CFAP36: variants seen among roughly 807,000 people sequenced by gnomAD.
The protein encoded by CFAP36 is cilia and flagella associated protein 36.
In CFAP36, 37 loss-of-function variants were observed where a neutral mutation model predicts 50.5. The ratio of observed to expected loss-of-function variants is 0.73; its 90% CI spans 0.56 to 0.96. CFAP36 has a LOEUF of 0.96. Ranked by LOEUF, CFAP36 falls within the 50% of genes least tolerant of loss-of-function variation. The pLI is 0.00. For synonymous variants in CFAP36, 138 were observed against 128.2 expected (o/e 1.08, Z -0.52); for missense variants, 407 against 396.2 (o/e 1.03, Z -0.23).
chr2:55,535,874 G>A (rs72803516), intron 6 of CFAP36, 111 bp downstream of exon 6: 701 of 1,425,278 alleles, frequency 4.9e-4, no homozygotes, highest in Middle Eastern at 4.5e-3. Flanking sequence ...ATAATTTTAA[G>A]TACAATGTAA....
chr2:55,542,722 C>T (rs1276912722), intron 7 of CFAP36, among the ~76,000 whole-genome samples: 3 of 152,210 alleles, frequency 2.0e-5, no homozygotes, highest in African/African-American at 7.2e-5. Context: ...GTTCCCCCCT[C>T]CTCAGGAATT....
intron 5 of CFAP36, among the ~76,000 whole-genome samples, chr2:55,534,385 C>T (rs1306903906): frequency 1.3e-5 from 2 of 152,192 alleles, no homozygotes; most frequent in African/African-American, 4.8e-5. Flanking sequence ...GAATAGCTGA[C>T]TTGGTGATAG....
chr2:55,534,205 G>A (rs1004599878), intron 5 of CFAP36, among the ~76,000 whole-genome samples: 2 of 152,180 alleles, frequency 1.3e-5, no homozygotes, highest in Non-Finnish European at 2.9e-5. Flanking sequence ...ATAGGAATAG[G>A]AAAGTAGCCA....
At chr2:55,540,569 T>G (rs1347438364) in intron 7 of CFAP36, among the ~76,000 whole-genome samples, 1 of 152,216 alleles carries the variant, frequency 6.6e-6, no homozygotes, top group Non-Finnish European at 1.5e-5. Flanking sequence ...TGTTGGCTAT[T>G]CTGGGTGTTT....
intron 7 of CFAP36, 45 bp from the exon 8 acceptor site, chr2:55,543,893 T>C: frequency 1.3e-6 from 2 of 1,544,608 alleles, no homozygotes; most frequent in South Asian, 2.3e-5. Flanking sequence ...ACTTAAAATA[T>C]TTCTCATAAT....
intron 4 of CFAP36, among the ~76,000 whole-genome samples, chr2:55,532,376 C>T (rs567788763): frequency 9.9e-5 from 15 of 151,936 alleles, no homozygotes; most frequent in African/African-American, 3.4e-4. Context: ...CTTTTTGGTG[C>T]CTTATTAAAG....
intron 4 of CFAP36, among the ~76,000 whole-genome samples, chr2:55,530,004 A>G (rs1467592986): frequency 6.6e-6 from 1 of 152,144 alleles, no homozygotes; most frequent in East Asian, 1.9e-4. Flanking sequence ...TTTCTGATTT[A>G]ATAGGTCTGG....
rs777362685 is a variant in CFAP36 at position 55,544,043 on chromosome 2, T to C, written c.746T>C (p.Leu249Ser). 8.7e-6 allele frequency: 14 copies of C among 1,613,988 alleles called. No homozygotes were observed. In the South Asian group the frequency reaches 1.5e-4, roughly 18 times the overall value. Reference sequence around the variant, plus strand: ...CAAAAAGACCTGAAGATTCCTGGCTTAGAGCATGCGAGCATTGAAGGACCA... The same window carrying C: ...CAAAAAGACCTGAAGATTCCTGGCTCAGAGCATGCGAGCATTGAAGGACCA... The part of the protein sequence containing the change: ...LPQKDLKIPG[L>S]EHASIEGPIA... The change falls in exon 8 of 10, where the codon TTA (leucine) becomes TCA (serine). Residue 249 changes from leucine (L) to serine (S), a missense_variant. By Grantham distance (145) the Leu-to-Ser change is moderately radical. Coordinates refer to ENST00000349456, the MANE Select transcript of CFAP36 (RefSeq NM_080667.7).
At chr2:55,528,400 T>A (rs145172138) in intron 3 of CFAP36, among the ~76,000 whole-genome samples, 90 of 144,884 alleles carry the variant, frequency 6.2e-4, no homozygotes, top group Middle Eastern at 3.8e-3. Flanking sequence ...TTTTGAAAAA[T>A]TTTTTTTTTT....
At chr2:55,528,173 T>C (rs1245124685) in intron 3 of CFAP36, among the ~76,000 whole-genome samples, 2 of 148,496 alleles carry the variant, frequency 1.3e-5, no homozygotes, top group Non-Finnish European at 3.0e-5. Context: ...TTTTATAGAA[T>C]TATAAGGAAT....
At chr2:55,534,819 A>G (rs747716729) in intron 5 of CFAP36, among the ~76,000 whole-genome samples, 6 of 152,124 alleles carry the variant, frequency 3.9e-5, no homozygotes, top group Non-Finnish European at 8.8e-5. Flanking sequence ...AAAGCAGAAG[A>G]GAGGATCAGA....
At chr2:55,534,725 ACTT>A (rs1314807867) in intron 5 of CFAP36, among the ~76,000 whole-genome samples, 4 of 152,160 alleles carry the variant, frequency 2.6e-5, no homozygotes, top group African/African-American at 7.2e-5. Context: ...CTTTGGGGTC[ACTT>A]CTTCTCCAAC....
intron 4 of CFAP36, chr2:55,531,010 A>C (rs1224757074): frequency 1.3e-5 from 2 of 151,788 alleles, no homozygotes; most frequent in African/African-American, 4.8e-5. Flanking sequence ...GTGAGTAGAG[A>C]CTCTTAGAGC....
intron 7 of CFAP36, among the ~76,000 whole-genome samples, chr2:55,541,419 C>G (rs1404414703): frequency 6.6e-6 from 1 of 152,110 alleles, no homozygotes; most frequent in African/African-American, 2.4e-5. Context: ...TCATATAGAT[C>G]TTGTGCATAT....
intron 4 of CFAP36, among the ~76,000 whole-genome samples, 180 bp from the exon 5 acceptor site, chr2:55,533,693 T>TG (rs1684408296): frequency 5.4e-4 from 36 of 66,926 alleles, no homozygotes; most frequent in African/African-American, 1.6e-3. Flanking sequence ...AGACTCTGTC[T>TG]CAAAAAAAAA....
At chr2:55,542,804 A>G (rs1289799847) in intron 7 of CFAP36, among the ~76,000 whole-genome samples, 1 of 152,184 alleles carries the variant, frequency 6.6e-6, no homozygotes. Flanking sequence ...CGTCACTCTC[A>G]GTAATAACAG....
Position 55,533,853 on chromosome 2 carries a change from T to A in CFAP36, c.398-20T>A. The A allele has an allele frequency of 6.7e-7, 1 of 1,498,978 alleles. No homozygotes were observed. Among genetic ancestry groups the A allele is most frequent in the Non-Finnish European group, 9.2e-7 (1 of 1,089,936 alleles). 92.9% of individuals were successfully genotyped at this position (1,498,978 alleles called of 1,614,324 possible). ...TTAATGGAGTTGATACTATTTCATG[T>A]GGTCTTTGGTTTTGAACAGGTGTAT... On this transcript the variant is annotated intron_variant, in intron 4 of 9. Coordinates refer to ENST00000349456, the MANE Select transcript of CFAP36 (RefSeq NM_080667.7).
intron 4 of CFAP36, among the ~76,000 whole-genome samples, 187 bp from the exon 5 acceptor site, chr2:55,533,686 C>G (rs1574620313): frequency 9.7e-6 from 1 of 103,296 alleles, no homozygotes; most frequent in African/African-American, 3.3e-5. Flanking sequence ...CAGAAAGAGA[C>G]TCTGTCTCAA....
intron 5 of CFAP36, among the ~76,000 whole-genome samples, chr2:55,534,671 G>A (rs930343896): frequency 6.6e-6 from 1 of 152,198 alleles, no homozygotes; most frequent in African/African-American, 2.4e-5. Context: ...TAGGGCAAAA[G>A]GATGCCTATA....
Sources: gnomAD v4.1 joint callset for allele counts (sites outside exome capture counted in the v4.1 genomes callset) on GRCh38, gnomAD v4.1.1 for gene constraint, MANE v1.5 for transcripts, NCBI Gene and HGNC (gene_info 2026-07-23, HGNC 2026-07-21) for gene names.